The following NAV2 variants were observed in gnomAD, a reference collection of about 807,000 sequenced individuals.
The protein encoded by NAV2 is helicase, APC down-regulated 1.
In NAV2, 54 loss-of-function variants were observed where a neutral mutation model predicts 223.2. The ratio of observed to expected loss-of-function variants is 0.24; its 90% CI spans 0.19 to 0.30. The LOEUF (loss-of-function observed/expected upper bound fraction) is 0.30, where lower values mean the gene tolerates loss of function less well. Ranked by LOEUF, NAV2 falls within the 10% of genes least tolerant of loss-of-function variation. The probability of loss-of-function intolerance (pLI) is 1.00; values close to 1 mark genes in which losing one functional copy is unlikely to be tolerated. For missense variants in NAV2, 2,806 were observed against 3,147.5 expected, an observed-to-expected ratio of 0.89 and a Z score of 2.60; for synonymous variants, 1,279 against 1,239.3, an observed-to-expected ratio of 1.03 and a Z score of -0.67.
chr11:19,851,400 T>C (rs1313161540), intron 3 of NAV2, among the ~76,000 whole-genome samples: 3 of 152,204 alleles, frequency 2.0e-5, no homozygotes, highest in African/African-American at 7.2e-5. Flanking sequence ...GGATGAGACA[T>C]TCTGTTTTGG....
At chr11:19,453,776 TC>T (rs1564948548) in intron 1 of NAV2, among the ~76,000 whole-genome samples, 1 of 152,180 alleles carries the variant, frequency 6.6e-6, no homozygotes, top group Non-Finnish European at 1.5e-5. Context: ...AAATCCTTTA[TC>T]CTTTTAAATG....
intron 1 of NAV2, among the ~76,000 whole-genome samples, chr11:19,451,274 C>T (rs530687616): frequency 5.9e-5 from 9 of 152,278 alleles, no homozygotes; most frequent in African/African-American, 1.9e-4. Flanking sequence ...CTGCCCCTCC[C>T]TCATTCTCTT....
chr11:20,005,244 T>G (rs1488574867), intron 11 of NAV2, among the ~76,000 whole-genome samples: 4 of 6,482 alleles, frequency 6.2e-4, no homozygotes, highest in Non-Finnish European at 2.1e-3. Context: ...TAATCATATA[T>G]ATATATATAT....
At chr11:19,999,173 T>C (rs2052279464) in intron 11 of NAV2, among the ~76,000 whole-genome samples, 1 of 152,276 alleles carries the variant, frequency 6.6e-6, no homozygotes, top group Admixed American at 6.5e-5. Flanking sequence ...ATCAGTCGGC[T>C]GTAAGCCACT....
At chr11:20,106,179 G>A (rs1250578568) in intron 35 of NAV2, among the ~76,000 whole-genome samples, 13 of 14,690 alleles carry the variant, frequency 8.8e-4, no homozygotes, top group Non-Finnish European at 1.2e-3. Context: ...ATATATATGT[G>A]TGTGTATATA....
rs74507986 is a variant in NAV2 at position 19,633,869 on chromosome 11, T to C, written c.76-198615T>C. Reference sequence around the variant, plus strand: ...ACTACTTACCAGCTGTGTGGCCTCTTGGACAAGTCACTTAACTTCTCTGAG... The same window carrying C: ...ACTACTTACCAGCTGTGTGGCCTCTCGGACAAGTCACTTAACTTCTCTGAG... On this transcript the variant is annotated intron_variant, in intron 1 of 37. Transcript: ENST00000360655. Among the ~76,000 whole-genome samples, 1,325 of 152,362 alleles carry C rather than the reference T, an allele frequency of 8.7e-3. 18 individuals carry two copies. Among genetic ancestry groups the C allele is most frequent in the African/African-American group, 0.028 (1,149 of 41,588 alleles).
chr11:19,547,478 G>C (rs1409103035), intron 1 of NAV2, among the ~76,000 whole-genome samples: 1 of 152,012 alleles, frequency 6.6e-6, no homozygotes, highest in Non-Finnish European at 1.5e-5. Context: ...TCCCACCACT[G>C]CTCTTTTCCA....
chr11:19,868,801 CCT>C, intron 3 of NAV2, 122 bp from the exon 4 acceptor site: 1 of 805,414 alleles, frequency 1.2e-6, no homozygotes, highest in Non-Finnish European at 2.0e-6. Context: ...AAGAGAGTGT[CCT>C]ATCTTGGCGT....
At chr11:19,820,733 A>C (rs1434157060) in intron 1 of NAV2, among the ~76,000 whole-genome samples, 2 of 152,164 alleles carry the variant, frequency 1.3e-5, no homozygotes, top group Non-Finnish European at 2.9e-5. Context: ...CATCCATTCA[A>C]CAACTGTTTA....
At chr11:20,023,699 G>GGTGGGTGGGGGT (rs1554902315) in intron 11 of NAV2, among the ~76,000 whole-genome samples, 1 of 144,572 alleles carries the variant, frequency 6.9e-6, no homozygotes, top group Non-Finnish European at 1.5e-5. Flanking sequence ...CAAATTGCTG[G>GGTGGGTGGGGGT]GTGTGTGTGT....
intron 35 of NAV2, 31 bp from the exon 36 acceptor site, chr11:20,107,633 A>G: frequency 6.5e-7 from 1 of 1,542,834 alleles, no homozygotes; most frequent in South Asian, 1.1e-5. Context: ...TGCCCATTTG[A>G]GTGCTAATGT....
intron 1 of NAV2, among the ~76,000 whole-genome samples, chr11:19,680,542 C>A (rs1235313601): frequency 6.6e-6 from 1 of 152,148 alleles, no homozygotes; most frequent in Admixed American, 6.5e-5. Flanking sequence ...GATGCGGAAC[C>A]CCATTCTGCT....
At chr11:19,709,924 T>A (rs918990), upstream of NAV2, among the ~76,000 whole-genome samples, 12,728 of 152,192 alleles carry the variant, frequency 0.084, 640 homozygotes, top group South Asian at 0.15. Flanking sequence ...AGATCTTTCA[T>A]CAAGAAAAAT....
In NAV2 at chr11:20,092,215, G is replaced by A. The variant is rs776634853; in HGVS notation, c.5662G>A (p.Glu1888Lys). The A allele has an allele frequency of 6.2e-7, 1 of 1,614,246 alleles. No homozygotes were observed. Among genetic ancestry groups the A allele is most frequent in the Non-Finnish European group, 8.5e-7 (1 of 1,180,030 alleles). Reference sequence around the variant, plus strand: ...CCATTACTCTTTGCAGAGTGAAATAGAGAAGCTGAAAGCTGAGAATGATCG... The same window carrying A: ...CCATTACTCTTTGCAGAGTGAAATAAAGAAGCTGAAAGCTGAGAATGATCG... ...EAMNRMQSEI[E>K]KLKAENDRLK... Residue 1888 changes from glutamate to lysine, a missense_variant, in exon 28 of 38, where the codon GAG becomes AAG. Glu to Lys is a moderately conservative substitution (Grantham distance 56, BLOSUM62 1). Transcript: ENST00000349880.
intron 3 of NAV2, among the ~76,000 whole-genome samples, chr11:19,847,023 C>T (rs527872265): frequency 2.0e-5 from 3 of 152,318 alleles, no homozygotes; most frequent in South Asian, 2.1e-4. Flanking sequence ...TGCGTGTGTG[C>T]GTCAGAGCTG....
chr11:19,525,057 T>C (rs527293595), intron 1 of NAV2, among the ~76,000 whole-genome samples: 1 of 152,356 alleles, frequency 6.6e-6, no homozygotes, highest in South Asian at 2.1e-4. Context: ...ATAAAAGAAA[T>C]ATCAAATTTG....
chr11:19,765,169 G>C (rs1198395210), intron 1 of NAV2, among the ~76,000 whole-genome samples: 1 of 152,160 alleles, frequency 6.6e-6, no homozygotes, highest in Non-Finnish European at 1.5e-5. Flanking sequence ...TTTATTTCCA[G>C]TGACTTCTGA....
chr11:19,982,336 C>T (rs1000939458), intron 10 of NAV2, among the ~76,000 whole-genome samples: 32 of 152,112 alleles, frequency 2.1e-4, no homozygotes, highest in Middle Eastern at 3.4e-3. Context: ...GGCACGATCT[C>T]GGCTCACTGC....
intron 1 of NAV2, among the ~76,000 whole-genome samples, chr11:19,546,876 C>G (rs1212425416): frequency 6.6e-6 from 1 of 152,174 alleles, no homozygotes; most frequent in African/African-American, 2.4e-5. Flanking sequence ...TAAGGAAGCT[C>G]TAGGATTCTT....
Sources: allele counts gnomAD v4.1 joint callset (sites outside exome capture counted in the v4.1 genomes callset), GRCh38; gene constraint gnomAD v4.1.1; transcripts MANE v1.5; gene names NCBI Gene and HGNC (gene_info 2026-07-23, HGNC 2026-07-21).